Variants in INSL6 observed in about 807,000 individuals in gnomAD.
INSL6 encodes insulin-like peptide INSL6.
A neutral mutation model predicts 9.4 loss-of-function variants in INSL6; 16 were observed. The ratio of observed to expected loss-of-function variants is 1.70; its 90% CI spans 1.15 to 2.59. The LOEUF is 2.59. INSL6 is among the 30% of genes most tolerant of loss of function. INSL6 has a pLI of 0.00. For synonymous variants in INSL6, 154 were observed against 96.9 expected (o/e 1.59, Z -3.46); for missense variants, 391 against 257.3 (o/e 1.52, Z -3.56).
chr9:5,068,967 A>T, the INSL6 span: 1 of 971,532 alleles, frequency 1.0e-6, no homozygotes, highest in Non-Finnish European at 1.5e-6. Flanking sequence ...CAGAATAATC[A>T]CTGTGATGTC....
the INSL6 span, among the ~76,000 whole-genome samples, chr9:5,048,451 T>C: frequency 5.3e-5 from 8 of 152,202 alleles, no homozygotes; most frequent in African/African-American, 1.9e-4. Context: ...CATCTACTAG[T>C]TCTATAGGGA....
chr9:5,041,986 G>C, the INSL6 span: 3 of 364,440 alleles, frequency 8.2e-6, no homozygotes, highest in South Asian at 2.2e-5. Flanking sequence ...GAGCTTGTGT[G>C]AGGGCCTTGG....
the INSL6 span, among the ~76,000 whole-genome samples, chr9:5,084,669 A>G: frequency 6.6e-6 from 1 of 152,098 alleles, no homozygotes. Flanking sequence ...GCCCACATAT[A>G]CTTATATTCT....
At chr9:5,152,124 G>C (rs1824724711) in intron 2 of INSL6, among the ~76,000 whole-genome samples, 1 of 152,064 alleles carries the variant, frequency 6.6e-6, no homozygotes, top group African/African-American at 2.4e-5. Flanking sequence ...AAGGCAAATA[G>C]GCAAATCCAT....
At chr9:5,120,373 G>C (rs1823523785), downstream of INSL6, among the ~76,000 whole-genome samples, 1 of 152,184 alleles carries the variant, frequency 6.6e-6, no homozygotes, top group Admixed American at 6.5e-5. Context: ...CACTAAATCT[G>C]AAGTCTGAAA....
the INSL6 span, chr9:5,041,642 C>T: frequency 4.0e-6 from 2 of 502,098 alleles, no homozygotes; most frequent in Admixed American, 2.3e-5. Flanking sequence ...TTGAGAAGCT[C>T]GACTACGACT....
At chr9:5,008,823 C>T in the INSL6 span, among the ~76,000 whole-genome samples, 1 of 152,116 alleles carries the variant, frequency 6.6e-6, no homozygotes, top group East Asian at 1.9e-4. Context: ...TGTTTTCATT[C>T]GTCCTCCATC....
the INSL6 span, among the ~76,000 whole-genome samples, chr9:5,015,337 C>G: frequency 6.6e-6 from 1 of 152,062 alleles, no homozygotes; most frequent in South Asian, 2.1e-4. Flanking sequence ...CCTGGGTATC[C>G]TAAAAACCTA....
the INSL6 span, chr9:5,114,742 T>G: frequency 2.8e-6 from 1 of 358,534 alleles, no homozygotes; most frequent in African/African-American, 2.1e-5. Context: ...ATCTGCTCTG[T>G]GGTCCATGAG....
the INSL6 span, among the ~76,000 whole-genome samples, chr9:5,087,538 T>C: frequency 6.6e-6 from 1 of 152,222 alleles, no homozygotes; most frequent in Non-Finnish European, 1.5e-5. Context: ...TCTTAAATCT[T>C]TCTTTTCGCT....
intron 1 of INSL6, among the ~76,000 whole-genome samples, chr9:5,173,060 CAAT>C (rs1320553583): frequency 1.3e-5 from 2 of 151,970 alleles, no homozygotes; most frequent in South Asian, 2.1e-4. Flanking sequence ...ATCAAAATTA[CAAT>C]GAGATACTAT....
At chr9:5,106,661 C>A in the INSL6 span, among the ~76,000 whole-genome samples, 1 of 152,194 alleles carries the variant, frequency 6.6e-6, no homozygotes, top group Admixed American at 6.5e-5. Flanking sequence ...AAATGCCCAT[C>A]AATGATAGAC....
At chr9:5,064,947 G>T in the INSL6 span, 2 of 1,605,480 alleles carry the variant, frequency 1.2e-6, no homozygotes, top group Non-Finnish European at 1.7e-6. Context: ...GGATATTATA[G>T]ATTAACTGCA....
At chr9:5,035,552 A>G in the INSL6 span, among the ~76,000 whole-genome samples, 1 of 152,366 alleles carries the variant, frequency 6.6e-6, no homozygotes, top group Non-Finnish European at 1.5e-5. Flanking sequence ...AGTGGGCTTC[A>G]TGCCTGGGAT....
At chr9:5,147,475 T>G (rs1824622829) in intron 2 of INSL6, among the ~76,000 whole-genome samples, 1 of 152,194 alleles carries the variant, frequency 6.6e-6, no homozygotes, top group Non-Finnish European at 1.5e-5. Flanking sequence ...GTTGCCAAGT[T>G]GCTACTGGCT....
the INSL6 span, chr9:5,021,876 G>T: frequency 2.9e-6 from 2 of 688,220 alleles, no homozygotes; most frequent in South Asian, 3.8e-5. Flanking sequence ...CAAGCTATCT[G>T]CCCGCCTCGG....
intron 2 of INSL6, among the ~76,000 whole-genome samples, chr9:5,140,963 A>T (rs10115335): frequency 0.37 from 56,253 of 151,730 alleles, 11,520 homozygotes; most frequent in African/African-American, 0.56. Context: ...CATGCGGTAT[A>T]TGGTTTTCTG....
the INSL6 span, among the ~76,000 whole-genome samples, chr9:5,116,668 C>T: frequency 2.0e-5 from 3 of 152,070 alleles, no homozygotes. Flanking sequence ...CTACTGTGCT[C>T]CAAATACTAT....
At chr9:5,157,149 T>C (rs2130900071) in intron 2 of INSL6, among the ~76,000 whole-genome samples, 1 of 152,304 alleles carries the variant, frequency 6.6e-6, no homozygotes, top group Non-Finnish European at 1.5e-5. Flanking sequence ...AATACCATGT[T>C]CATGGATCTG....
Sources: gnomAD v4.1 joint callset for allele counts (sites outside exome capture counted in the v4.1 genomes callset) on GRCh38, gnomAD v4.1.1 for gene constraint, MANE v1.5 for transcripts, NCBI Gene and HGNC (gene_info 2026-07-23, HGNC 2026-07-21) for gene names.